The following IGF1R variants were observed in gnomAD, a reference collection of about 807,000 sequenced individuals.
IGF1R encodes the protein insulin-like growth factor 1 receptor.
Under a neutral mutation model 144.6 loss-of-function variants are expected in IGF1R, and 44 were observed. That is an observed-to-expected ratio of 0.30 (90% CI 0.24 to 0.39). IGF1R has a LOEUF of 0.39. Ranked by LOEUF, IGF1R falls within the 10% of genes least tolerant of loss-of-function variation. The pLI, the probability that IGF1R is intolerant of heterozygous loss-of-function variation, is 1.00. For synonymous variants in IGF1R, 795 were observed against 722.8 expected, an observed-to-expected ratio of 1.10 and a Z score of -1.60; for missense variants, 1,355 against 1,833.7, an observed-to-expected ratio of 0.74 and a Z score of 4.77.
Position 98,957,244 on chromosome 15 carries a change from C to A in IGF1R, c.3906C>A (p.Ser1302Arg), listed in dbSNP as rs369481117. The change falls in exon 21 of 21, where the codon AGC becomes AGA. Residue 1302 changes from serine to arginine, a missense_variant. Transcript: ENST00000650285. ...ACCTGGAGCCAGAGAACATGGAGAG[C>A]GTCCCCCTGGACCCCTCGGCCTCCT... The part of the protein sequence containing the change: ...ELDLEPENME[S>R]VPLDPSASSS... 2 of 1,614,086 alleles carry A rather than the reference C, an allele frequency of 1.2e-6. No individual in the cohort carries two copies. The highest frequency in any genetic ancestry group is 1.7e-6 in the Non-Finnish European group (2 of 1,180,044).
At chr15:98,833,972 T>C (rs1338009549) in intron 2 of IGF1R, among the ~76,000 whole-genome samples, 1 of 152,234 alleles carries the variant, frequency 6.6e-6, no homozygotes, top group African/African-American at 2.4e-5. Context: ...AGTAATAGTA[T>C]GGACCCTGAA....
Position 98,776,829 on chromosome 15 carries a change from C to G in IGF1R, c.640+68722C>G, listed in dbSNP as rs530599314. 1.4e-4 allele frequency among the ~76,000 whole-genome samples: 21 copies of G among 152,292 alleles called. No individual in the cohort carries two copies. The East Asian group carries it at 3.9e-3, about 28-fold the overall frequency. On this transcript the variant is annotated intron_variant, in intron 2 of 20. Transcript: ENST00000650285. ...AAAGAGAACCACATCTTAAAACGCC[C>G]GTGACCTTGAATGGTCTTTCCGGAG...
chr15:98,799,518 G>A (rs2056317144), intron 2 of IGF1R, among the ~76,000 whole-genome samples: 1 of 152,212 alleles, frequency 6.6e-6, no homozygotes, highest in South Asian at 2.1e-4. Flanking sequence ...CCTTTGAGGA[G>A]GTTAGAGTTA....
In IGF1R at chr15:98,960,012, G is replaced by A. The variant is rs1353611404; in HGVS notation, c.*2570G>A. The A allele has an allele frequency of 3.9e-5, 9 of 233,282 alleles. No homozygotes were observed. In the Admixed American group the frequency reaches 5.1e-4, roughly 13 times the overall value. 14.5% of individuals were successfully genotyped at this position (233,282 alleles called of 1,614,324 possible). A position where few individuals can be genotyped will look rare whatever the true frequency, so the allele number is the denominator to read the frequency against. On this transcript the variant is annotated 3_prime_UTR_variant, in exon 21 of 21. Transcript: ENST00000650285. ...GTGTGGGGTGTGTGTGTGTGAGAGT[G>A]ATGGGACAGTTCTTGATTTTTTGGG...
At chr15:98,936,591 T>C (rs534261204) in intron 17 of IGF1R, among the ~76,000 whole-genome samples, 87 of 151,924 alleles carry the variant, frequency 5.7e-4, no homozygotes, top group African/African-American at 2.0e-3. Context: ...GGAAATTCTT[T>C]TGCTGTTCTT....
chr15:98,915,062 A>G (rs2015183780), intron 8 of IGF1R, among the ~76,000 whole-genome samples: 2 of 152,216 alleles, frequency 1.3e-5, no homozygotes. Context: ...TGGCTTAGGC[A>G]AACATATTGC....
At chr15:98,910,354 T>G (rs563190596) in intron 6 of IGF1R, among the ~76,000 whole-genome samples, 1 of 152,348 alleles carries the variant, frequency 6.6e-6, no homozygotes, top group South Asian at 2.1e-4. Flanking sequence ...TTTATTTTCT[T>G]TTGAAAGCAA....
intron 2 of IGF1R, among the ~76,000 whole-genome samples, chr15:98,745,267 A>G (rs991599858): frequency 2.6e-5 from 4 of 152,272 alleles, no homozygotes; most frequent in Admixed American, 1.3e-4. Flanking sequence ...AATGATGGCC[A>G]TGCCTTTATT....
chr15:98,883,856 G>C (rs1289992005), intron 2 of IGF1R, among the ~76,000 whole-genome samples: 1 of 152,118 alleles, frequency 6.6e-6, no homozygotes, highest in Admixed American at 6.5e-5. Flanking sequence ...TGAGGGAGGG[G>C]CTCTTTTTAT....
intron 2 of IGF1R, among the ~76,000 whole-genome samples, chr15:98,769,127 A>G (rs1399546277): frequency 6.6e-6 from 1 of 152,244 alleles, no homozygotes; most frequent in Non-Finnish European, 1.5e-5. Flanking sequence ...TTAAGTGTAT[A>G]AATATGTATT....
chr15:98,835,226 C>G (rs559495167), intron 2 of IGF1R, among the ~76,000 whole-genome samples: 1 of 151,582 alleles, frequency 6.6e-6, no homozygotes, highest in African/African-American at 2.4e-5. Flanking sequence ...CACCCACACA[C>G]CAGGATTTGA....
At chr15:98,789,686 G>A (rs28401729) in intron 2 of IGF1R, among the ~76,000 whole-genome samples, 4,091 of 152,248 alleles carry the variant, frequency 0.027, 189 homozygotes, top group African/African-American at 0.094. Context: ...CAAATTGGAT[G>A]ATGCTCTTAT....
At chr15:98,713,881 C>T (rs1415348162) in intron 2 of IGF1R, among the ~76,000 whole-genome samples, 1 of 152,154 alleles carries the variant, frequency 6.6e-6, no homozygotes, top group Non-Finnish European at 1.5e-5. Flanking sequence ...ACCCTGAGTG[C>T]GTGTGAGAAG....
intron 10 of IGF1R, among the ~76,000 whole-genome samples, chr15:98,921,922 C>T (rs746913419): frequency 5.9e-5 from 9 of 151,640 alleles, no homozygotes; most frequent in Non-Finnish European, 1.0e-4. Context: ...CTCTGAGAGC[C>T]GGGGGGTGGG....
chr15:98,658,805 G>A (rs2052539710), intron 1 of IGF1R, among the ~76,000 whole-genome samples: 1 of 152,134 alleles, frequency 6.6e-6, no homozygotes, highest in Non-Finnish European at 1.5e-5. Flanking sequence ...CTTGTTCCTT[G>A]CTTGTAATTT....
chr15:98,934,711 T>C (rs568518362), intron 15 of IGF1R, 113 bp from the exon 16 acceptor site: 5 of 874,646 alleles, frequency 5.7e-6, no homozygotes, highest in Non-Finnish European at 9.5e-6. Context: ...CCTGGTATTC[T>C]CTGTGGGTTT....
At chr15:98,800,713 G>A (rs141390030) in intron 2 of IGF1R, among the ~76,000 whole-genome samples, 1,675 of 152,232 alleles carry the variant, frequency 0.011, 20 homozygotes, top group Non-Finnish European at 0.014. Context: ...GTATCTGAGC[G>A]ATTGTCTGTT....
chr15:98,719,590 G>C (rs1463982091), intron 2 of IGF1R, among the ~76,000 whole-genome samples: 1 of 152,166 alleles, frequency 6.6e-6, no homozygotes, highest in African/African-American at 2.4e-5. Context: ...AGCCAAACTT[G>C]ACCTAACAGA....
At chr15:98,906,220 T>G (rs1272032942) in intron 5 of IGF1R, among the ~76,000 whole-genome samples, 3 of 152,276 alleles carry the variant, frequency 2.0e-5, no homozygotes, top group African/African-American at 7.2e-5. Context: ...AAGAATGTTT[T>G]GTTCAGAAGG....
Sources: allele counts gnomAD v4.1 joint callset (sites outside exome capture counted in the v4.1 genomes callset), GRCh38; gene constraint gnomAD v4.1.1; transcripts MANE v1.5; gene names NCBI Gene and HGNC (gene_info 2026-07-23, HGNC 2026-07-21).